TNS3: variants seen among roughly 807,000 people sequenced by gnomAD.
TNS3 encodes tensin-3.
Under a neutral mutation model 140.9 loss-of-function variants are expected in TNS3, and 45 were observed. That is an observed-to-expected ratio of 0.32 (90% CI 0.25 to 0.41). The LOEUF (loss-of-function observed/expected upper bound fraction) is 0.41, where lower values mean the gene tolerates loss of function less well. Ranked by LOEUF, TNS3 falls within the 10% of genes least tolerant of loss-of-function variation. The pLI, the probability that TNS3 is intolerant of heterozygous loss-of-function variation, is 1.00. For missense variants in TNS3, 1,716 were observed against 1,906.7 expected (o/e 0.90, Z 1.86); for synonymous variants, 815 against 788.4 (o/e 1.03, Z -0.56).
At chr7:47,481,258 CAAAGCTG>C in intron 3 of TNS3, 117 bp from the exon 4 acceptor site, 1 of 739,858 alleles carries the variant, frequency 1.4e-6, no homozygotes, top group South Asian at 1.5e-5. Flanking sequence ...ACTCTGGCTA[CAAAGCTG>C]TAGCAGATCA....
chr7:47,302,102 C>A (rs750638451), intron 23 of TNS3, 84 bp downstream of exon 23: 11 of 1,164,368 alleles, frequency 9.4e-6, no homozygotes, highest in Non-Finnish European at 1.2e-5. Flanking sequence ...CCCGATGTTC[C>A]CACCGCAGGG....
At position 47,454,786 on chromosome 7, in the gene TNS3, C is replaced by T. The variant is rs372923029; in HGVS notation, c.-75-12731G>A. ...CCAGGCAGAGCCAGGCAGGGGGCTC[C>T]CATCCATAGGCGAGCAAGTTAGCAA... is the stretch of plus-strand genomic sequence containing the variant. On this transcript the variant is annotated intron_variant, in intron 4 of 30. Transcript: ENST00000311160. 2.0e-4 allele frequency among the ~76,000 whole-genome samples: 30 copies of T among 152,272 alleles called. No homozygotes were observed. In the South Asian group the frequency reaches 6.2e-3, roughly 32 times the overall value.
intron 1 of TNS3, among the ~76,000 whole-genome samples, chr7:47,545,773 T>G (rs765235638): frequency 7.2e-5 from 11 of 152,182 alleles, no homozygotes; most frequent in Non-Finnish European, 1.6e-4. Flanking sequence ...GGACCACATC[T>G]GGAACTGTGG....
intron 1 of TNS3, among the ~76,000 whole-genome samples, chr7:47,570,488 G>C (rs1800527478): frequency 6.6e-6 from 1 of 152,216 alleles, no homozygotes; most frequent in Admixed American, 6.5e-5. Context: ...TCTGTAAGAT[G>C]AGTTGTAAAT....
At chr7:47,435,586 G>A (rs1468006783) in intron 7 of TNS3, among the ~76,000 whole-genome samples, 182 bp from the exon 8 acceptor site, 2 of 152,186 alleles carry the variant, frequency 1.3e-5, no homozygotes, top group Non-Finnish European at 2.9e-5. Context: ...AAAAAATAAA[G>A]CATTATACTG....
At chr7:47,383,318 C>T (rs1348148783) in intron 16 of TNS3, among the ~76,000 whole-genome samples, 2 of 152,116 alleles carry the variant, frequency 1.3e-5, no homozygotes, top group African/African-American at 2.4e-5. Context: ...TGCACGACTC[C>T]AGTGAGTGAG....
At chr7:47,546,043 G>A (rs1032604917) in intron 1 of TNS3, among the ~76,000 whole-genome samples, 9 of 152,182 alleles carry the variant, frequency 5.9e-5, no homozygotes, top group African/African-American at 2.2e-4. Flanking sequence ...GGGGATAGAG[G>A]CAGGTGCCCT....
chr7:47,279,802 C>T (rs1438435931), intron 30 of TNS3: 1 of 282,262 alleles, frequency 3.5e-6, no homozygotes, highest in East Asian at 8.3e-5. Context: ...GGAACACCCG[C>T]TTCATCCACA....
intron 10 of TNS3, among the ~76,000 whole-genome samples, chr7:47,422,589 G>A (rs1008085699): frequency 6.6e-6 from 1 of 151,662 alleles, no homozygotes; most frequent in Non-Finnish European, 1.5e-5. Flanking sequence ...CTACAGCCTG[G>A]GTGACAGAGC....
chr7:47,357,824 C>A (rs997227645), intron 17 of TNS3, among the ~76,000 whole-genome samples: 2 of 152,160 alleles, frequency 1.3e-5, no homozygotes, highest in Non-Finnish European at 2.9e-5. Flanking sequence ...ACACTGAAGT[C>A]CATGGCTAGG....
intron 17 of TNS3, 63 bp downstream of exon 17, chr7:47,368,302 A>C: frequency 7.2e-7 from 1 of 1,393,556 alleles, no homozygotes; most frequent in Non-Finnish European, 9.3e-7. Flanking sequence ...CTGATTTCTC[A>C]TCACACATTA....
chr7:47,415,434 G>C (rs916460735), intron 10 of TNS3, among the ~76,000 whole-genome samples: 12 of 152,194 alleles, frequency 7.9e-5, no homozygotes, highest in African/African-American at 2.9e-4. Context: ...CCGGCCTCTT[G>C]GCTTGAGCAT....
At chr7:47,421,535 A>C (rs1584620710) in intron 10 of TNS3, among the ~76,000 whole-genome samples, 1 of 152,178 alleles carries the variant, frequency 6.6e-6, no homozygotes, top group South Asian at 2.1e-4. Flanking sequence ...AGCCTCCCAA[A>C]GAATCGGGAT....
chr7:47,406,472 G>A (rs899283842), intron 13 of TNS3, among the ~76,000 whole-genome samples: 4 of 152,148 alleles, frequency 2.6e-5, no homozygotes, highest in Admixed American at 6.5e-5. Context: ...AGGCCCTCAT[G>A]AGGAAAGCCA....
intron 20 of TNS3, among the ~76,000 whole-genome samples, chr7:47,334,906 G>A (rs1227575759): frequency 3.3e-5 from 5 of 151,956 alleles, no homozygotes; most frequent in South Asian, 2.1e-4. Flanking sequence ...TGCGCCTGGC[G>A]AGAACCACGA....
intron 1 of TNS3, among the ~76,000 whole-genome samples, chr7:47,555,273 C>T (rs1342744359): frequency 2.7e-5 from 4 of 150,412 alleles, no homozygotes; most frequent in Non-Finnish European, 4.4e-5. Context: ...TGGTGGCAGG[C>T]GCCTGTAATC....
At chr7:47,280,253 A>C in intron 29 of TNS3, 33 bp downstream of exon 29, 1 of 1,613,826 alleles carries the variant, frequency 6.2e-7, no homozygotes, top group Non-Finnish European at 8.5e-7. Flanking sequence ...AATTAAGTAC[A>C]CTCCTTGCTC....
intron 4 of TNS3, among the ~76,000 whole-genome samples, chr7:47,459,011 T>C (rs1490471736): frequency 6.6e-6 from 1 of 152,194 alleles, no homozygotes; most frequent in Non-Finnish European, 1.5e-5. Context: ...CTTCCGCCCA[T>C]ACTTATTTAA....
intron 8 of TNS3, among the ~76,000 whole-genome samples, chr7:47,431,231 A>C (rs1160445654): frequency 6.6e-6 from 1 of 152,238 alleles, no homozygotes; most frequent in East Asian, 1.9e-4. Flanking sequence ...ATGCAGCAAA[A>C]GCAGTTGTAA....
Sources: gnomAD v4.1 joint callset for allele counts (sites outside exome capture counted in the v4.1 genomes callset) on GRCh38, gnomAD v4.1.1 for gene constraint, MANE v1.5 for transcripts, NCBI Gene and HGNC (gene_info 2026-07-23, HGNC 2026-07-21) for gene names.